ACAD11: variants seen among roughly 807,000 people sequenced by gnomAD.
ACAD11 encodes the protein acyl-Coenzyme A dehydrogenase family, member 11.
Under a neutral mutation model 102.2 loss-of-function variants are expected in ACAD11, and 83 were observed. The ratio of observed to expected loss-of-function variants is 0.81; its 90% CI spans 0.68 to 0.97. ACAD11 has a LOEUF of 0.97. Ranked by LOEUF, ACAD11 falls within the 50% of genes least tolerant of loss-of-function variation. The pLI is 0.00. For missense variants in ACAD11, 901 were observed against 951.7 expected (o/e 0.95, Z 0.70); for synonymous variants, 324 against 319.8 (o/e 1.01, Z -0.14).
chr3:132,635,701 C>A (rs1179993166), intron 5 of ACAD11, among the ~76,000 whole-genome samples: 1 of 152,154 alleles, frequency 6.6e-6, no homozygotes, highest in Non-Finnish European at 1.5e-5. Context: ...ACCTGGCACA[C>A]AACAGATGGC....
intron 11 of ACAD11, among the ~76,000 whole-genome samples, chr3:132,613,244 G>A (rs1046494416): frequency 6.6e-6 from 1 of 151,060 alleles, no homozygotes; most frequent in Non-Finnish European, 1.5e-5. Context: ...GGGAAGGGGG[G>A]AGGGATAGCA....
chr3:132,633,514 G>C (rs1940138055), intron 5 of ACAD11, among the ~76,000 whole-genome samples: 1 of 151,984 alleles, frequency 6.6e-6, no homozygotes, highest in South Asian at 2.1e-4. Context: ...ATGTTCATTA[G>C]GGATATTGGT....
intron 11 of ACAD11, among the ~76,000 whole-genome samples, chr3:132,606,386 T>C (rs983666383): frequency 6.6e-6 from 1 of 152,212 alleles, no homozygotes; most frequent in Non-Finnish European, 1.5e-5. Flanking sequence ...TTGTTTTCTT[T>C]GCCTGTTTTA....
intron 13 of ACAD11, among the ~76,000 whole-genome samples, chr3:132,593,188 C>T (rs1349548826): frequency 2.0e-5 from 3 of 151,420 alleles, no homozygotes; most frequent in Admixed American, 6.6e-5. Flanking sequence ...AACTGCTGTA[C>T]ATTAGAAAAT....
At chr3:132,648,186 T>G (rs139029285) in intron 1 of ACAD11, among the ~76,000 whole-genome samples, 1 of 152,178 alleles carries the variant, frequency 6.6e-6, no homozygotes, top group African/African-American at 2.4e-5. Context: ...ACATAACTAG[T>G]TGAAAGAACC....
chr3:132,560,076 A>C, intron 18 of ACAD11, 134 bp from the exon 19 acceptor site: 1 of 652,060 alleles, frequency 1.5e-6, no homozygotes, highest in Non-Finnish European at 2.7e-6. Context: ...AAAGCCAACA[A>C]AGAGATCCTG....
At chr3:132,607,649 C>T (rs1333926691) in intron 11 of ACAD11, among the ~76,000 whole-genome samples, 1 of 152,128 alleles carries the variant, frequency 6.6e-6, no homozygotes, top group Non-Finnish European at 1.5e-5. Context: ...CTAGGTTTGA[C>T]TGGTGTACCT....
At chr3:132,592,895 T>C (rs920979864) in intron 13 of ACAD11, among the ~76,000 whole-genome samples, 7 of 152,104 alleles carry the variant, frequency 4.6e-5, no homozygotes, top group African/African-American at 1.7e-4. Flanking sequence ...CAGGGAAATC[T>C]TCAAAATTCA....
At position 132,559,115 on chromosome 3, in the gene ACAD11, G is replaced by A. The variant is rs770551782; in HGVS notation, c.2229-30C>T. ...AAAAGCAAAAGAATCAGGGAACACA[G>A]GGAGTTATGGAAGAGGAACATGATA... On this transcript the variant is annotated intron_variant, in intron 19 of 19. Transcript: ENST00000264990. 6 of 1,469,386 alleles carry A rather than the reference G, an allele frequency of 4.1e-6. No homozygotes were observed. In the Admixed American group the frequency reaches 1.0e-4, roughly 25 times the overall value. The allele number at this position is 1,469,386 out of a possible 1,614,324, so 91.0% of individuals were successfully genotyped here.
chr3:132,618,851 G>T (rs1404150946), intron 10 of ACAD11, 79 bp from the exon 11 acceptor site: 27 of 1,312,762 alleles, frequency 2.1e-5, no homozygotes, highest in East Asian at 1.4e-4. Flanking sequence ...TTAAATATTG[G>T]TATTTATGAT....
intron 6 of ACAD11, among the ~76,000 whole-genome samples, chr3:132,630,877 C>A (rs1380021633): frequency 6.6e-6 from 1 of 152,064 alleles, no homozygotes; most frequent in African/African-American, 2.4e-5. Flanking sequence ...TTAAAACTAG[C>A]CTGGGTAACA....
At chr3:132,609,854 A>G (rs998426717) in intron 11 of ACAD11, among the ~76,000 whole-genome samples, 24 of 152,220 alleles carry the variant, frequency 1.6e-4, no homozygotes, top group Non-Finnish European at 2.9e-5. Flanking sequence ...AATATACCTG[A>G]TGAACATCGA....
At chr3:132,644,953 C>A in intron 1 of ACAD11, 57 bp from the exon 2 acceptor site, 2 of 1,011,976 alleles carry the variant, frequency 2.0e-6, no homozygotes, top group African/African-American at 1.6e-5. Flanking sequence ...TCCGTCATCC[C>A]CAAATCCTAC....
At chr3:132,627,300 C>T (rs997655570) in intron 8 of ACAD11, among the ~76,000 whole-genome samples, 1 of 152,182 alleles carries the variant, frequency 6.6e-6, no homozygotes, top group Non-Finnish European at 1.5e-5. Context: ...TTTCTTTTCG[C>T]TTAATAAATC....
At chr3:132,570,171 C>T (rs931106136) in intron 17 of ACAD11, among the ~76,000 whole-genome samples, 1 of 152,020 alleles carries the variant, frequency 6.6e-6, no homozygotes, top group Admixed American at 6.6e-5. Context: ...ACCATAAGTC[C>T]CACAGGCAAG....
chr3:132,590,210 C>A (rs993541007), intron 13 of ACAD11, among the ~76,000 whole-genome samples: 1 of 152,154 alleles, frequency 6.6e-6, no homozygotes, highest in Admixed American at 6.5e-5. Context: ...TGGGTATATA[C>A]CCAGTAATGG....
At chr3:132,601,027 A>G (rs1938565302) in intron 13 of ACAD11, 2 of 1,613,894 alleles carry the variant, frequency 1.2e-6, no homozygotes, top group Non-Finnish European at 8.5e-7. Context: ...TTGGATTTGT[A>G]GTACCCTTTC....
intron 1 of ACAD11, among the ~76,000 whole-genome samples, chr3:132,650,541 A>G (rs1043416565): frequency 9.9e-5 from 15 of 152,224 alleles, no homozygotes; most frequent in Non-Finnish European, 2.9e-5. Context: ...ATATATTATT[A>G]GACATTTTGA....
intron 3 of ACAD11, 50 bp from the exon 4 acceptor site, chr3:132,642,183 T>C (rs1370631003): frequency 5.4e-6 from 8 of 1,476,884 alleles, no homozygotes; most frequent in Admixed American, 3.9e-5. Context: ...ATCAATACTT[T>C]GTCGAATATA....
Sources: allele counts gnomAD v4.1 joint callset (sites outside exome capture counted in the v4.1 genomes callset), GRCh38; gene constraint gnomAD v4.1.1; transcripts MANE v1.5; gene names NCBI Gene and HGNC (gene_info 2026-07-23, HGNC 2026-07-21).